The following AGMO variants were observed in gnomAD, a reference collection of about 807,000 sequenced individuals.
The protein encoded by AGMO is glyceryl-ether monooxygenase.
Under a neutral mutation model 60.2 loss-of-function variants are expected in AGMO, and 75 were observed. The ratio of observed to expected loss-of-function variants is 1.25; its 90% confidence interval spans 1.03 to 1.51. AGMO has a LOEUF of 1.51. Ranked by LOEUF, AGMO falls within the 40% of genes most tolerant of loss-of-function variation. The probability of loss-of-function intolerance (pLI) is 0.00; values close to 1 mark genes in which losing one functional copy is unlikely to be tolerated. For synonymous variants in AGMO, 261 were observed against 177.1 expected (o/e 1.47, Z -3.76); for missense variants, 763 against 525.5 (o/e 1.45, Z -4.42).
At chr7:15,241,303 A>G (rs1263735381) in intron 12 of AGMO, among the ~76,000 whole-genome samples, 2 of 151,322 alleles carry the variant, frequency 1.3e-5, no homozygotes, top group Non-Finnish European at 2.9e-5. Flanking sequence ...TACTAAAAAT[A>G]CAAAAAATTA....
intron 12 of AGMO, among the ~76,000 whole-genome samples, chr7:15,273,859 T>C (rs993441080): frequency 1.3e-5 from 2 of 152,208 alleles, no homozygotes; most frequent in East Asian, 1.9e-4. Context: ...GTTGGATTCC[T>C]AGGTATTTTG....
chr7:15,213,630 A>C (rs1285224638), intron 12 of AGMO, among the ~76,000 whole-genome samples: 1 of 151,944 alleles, frequency 6.6e-6, no homozygotes, highest in Non-Finnish European at 1.5e-5. Context: ...AGAGGATGGC[A>C]AAGAATGGAA....
At chr7:15,338,153 A>T (rs1349470768) in intron 12 of AGMO, among the ~76,000 whole-genome samples, 3 of 152,180 alleles carry the variant, frequency 2.0e-5, no homozygotes, top group South Asian at 2.1e-4. Context: ...GTAATATTAT[A>T]ATTAAATTTT....
chr7:15,142,088 G>C, the AGMO span, among the ~76,000 whole-genome samples: 1 of 152,112 alleles, frequency 6.6e-6, no homozygotes, highest in Non-Finnish European at 1.5e-5. Flanking sequence ...CAGTATCAAG[G>C]TCGAGATCTG....
At chr7:15,258,712 C>G (rs1783177220) in intron 12 of AGMO, among the ~76,000 whole-genome samples, 1 of 152,140 alleles carries the variant, frequency 6.6e-6, no homozygotes, top group Non-Finnish European at 1.5e-5. Context: ...GGCTGGTATC[C>G]AGGACTGCAA....
At chr7:15,341,316 A>C (rs1411892130) in intron 12 of AGMO, among the ~76,000 whole-genome samples, 3 of 152,128 alleles carry the variant, frequency 2.0e-5, no homozygotes, top group Non-Finnish European at 4.4e-5. Flanking sequence ...CAGATACCTT[A>C]AATCATTTCT....
chr7:15,349,361 A>C (rs1354279360), intron 12 of AGMO, among the ~76,000 whole-genome samples: 10 of 152,156 alleles, frequency 6.6e-5, no homozygotes, highest in Non-Finnish European at 4.4e-5. Context: ...GTTTATAGCA[A>C]GCAAAATGTT....
At chr7:15,127,442 A>G in the AGMO span, among the ~76,000 whole-genome samples, 5 of 152,108 alleles carry the variant, frequency 3.3e-5, no homozygotes, top group Non-Finnish European at 7.4e-5. Flanking sequence ...TCAGAAAAAA[A>G]TTATCTAGTA....
intron 5 of AGMO, among the ~76,000 whole-genome samples, chr7:15,414,497 C>A (rs2128493245): frequency 6.6e-6 from 1 of 151,148 alleles, no homozygotes. Context: ...CACACACACA[C>A]AAAGAGAGGG....
the AGMO span, among the ~76,000 whole-genome samples, chr7:15,156,145 C>T: frequency 4.6e-5 from 7 of 152,144 alleles, no homozygotes; most frequent in African/African-American, 1.4e-4. Context: ...TGTGTGCATG[C>T]GCACCAGCAA....
At position 15,423,976 on chromosome 7, in the gene AGMO, A is replaced by G. The variant is rs1478516555; in HGVS notation, c.514-5323T>C. The stretch of plus-strand genomic sequence containing the variant: ...CAGGAAATTAATACACATGCCATAC[A>G]TTTTTATTGTTATTCCTAAAATGTA... On this transcript the variant is annotated intron_variant, in intron 4 of 12. Transcript: ENST00000342526. Among the ~76,000 whole-genome samples, 3 of 151,966 alleles carry G rather than the reference A, an allele frequency of 2.0e-5. No individual in the cohort carries two copies. The East Asian group carries it at 5.8e-4, about 29-fold the overall frequency.
chr7:15,365,870 A>G (rs112711538), intron 11 of AGMO, among the ~76,000 whole-genome samples: 1 of 152,056 alleles, frequency 6.6e-6, no homozygotes, highest in African/African-American at 2.4e-5. Context: ...TTTTCAGCTA[A>G]TAAATATTAG....
At chr7:15,385,384 T>C in intron 10 of AGMO, 62 bp downstream of exon 10, 2 of 1,176,566 alleles carry the variant, frequency 1.7e-6, no homozygotes, top group South Asian at 2.6e-5. Flanking sequence ...GGGAGCTTAT[T>C]TTCATTTTCA....
chr7:15,376,575 C>CAA (rs1783461310), intron 10 of AGMO, among the ~76,000 whole-genome samples: 1 of 151,996 alleles, frequency 6.6e-6, no homozygotes, highest in African/African-American at 2.4e-5. Flanking sequence ...AATCTGTGTT[C>CAA]AAATGTATCT....
intron 10 of AGMO, 77 bp downstream of exon 10, chr7:15,385,369 A>T (rs984161293): frequency 6.1e-6 from 6 of 988,920 alleles, no homozygotes; most frequent in Non-Finnish European, 9.4e-6. Flanking sequence ...GACAGCCTTA[A>T]TATGGGGAGC....
chr7:15,414,235 A>C (rs1201344320), intron 5 of AGMO, among the ~76,000 whole-genome samples: 1 of 151,978 alleles, frequency 6.6e-6, no homozygotes, highest in Non-Finnish European at 1.5e-5. Flanking sequence ...TCCTGACCTC[A>C]TGATCCACCC....
At chr7:15,391,357 G>C (rs539622119) in intron 6 of AGMO, among the ~76,000 whole-genome samples, 4 of 152,044 alleles carry the variant, frequency 2.6e-5, no homozygotes, top group African/African-American at 9.6e-5. Flanking sequence ...TCTAGAGTTA[G>C]ACCTGACTAG....
intron 3 of AGMO, among the ~76,000 whole-genome samples, chr7:15,449,877 A>C (rs1781813099): frequency 6.6e-6 from 1 of 152,220 alleles, no homozygotes; most frequent in African/African-American, 2.4e-5. Context: ...CCACTTAAAA[A>C]GAAAAAATGG....
intron 9 of AGMO, among the ~76,000 whole-genome samples, chr7:15,387,082 T>C (rs929472797): frequency 1.3e-5 from 2 of 152,190 alleles, no homozygotes; most frequent in African/African-American, 4.8e-5. Context: ...GTTCTAGGAC[T>C]CTGTGTCTGA....
Sources: allele counts gnomAD v4.1 joint callset (sites outside exome capture counted in the v4.1 genomes callset), GRCh38; gene constraint gnomAD v4.1.1; transcripts MANE v1.5; gene names NCBI Gene and HGNC (gene_info 2026-07-23, HGNC 2026-07-21).